The following ANKRD30A variants were observed in gnomAD, a reference collection of about 807,000 sequenced individuals.
The protein encoded by ANKRD30A is ankyrin repeat domain 30A, also known as ankyrin repeat domain-containing protein 30A.
A neutral mutation model predicts 166.3 loss-of-function variants in ANKRD30A; 170 were observed. The ratio of observed to expected loss-of-function variants is 1.02; its 90% confidence interval spans 0.90 to 1.16. ANKRD30A has a LOEUF of 1.16. ANKRD30A is among the 50% of genes most tolerant of loss of function. The pLI is 0.00. For synonymous variants in ANKRD30A, 564 were observed against 508.9 expected (o/e 1.11, Z -1.46); for missense variants, 1,630 against 1,518.0 (o/e 1.07, Z -1.23).
intron 15 of ANKRD30A, among the ~76,000 whole-genome samples, chr10:37,161,757 T>C (rs1429138499): frequency 6.6e-6 from 1 of 152,136 alleles, no homozygotes; most frequent in Non-Finnish European, 1.5e-5. Flanking sequence ...ATGACACATA[T>C]TGAAAACTAA....
the ANKRD30A span, among the ~76,000 whole-genome samples, chr10:37,264,013 G>A: frequency 5.3e-5 from 8 of 151,966 alleles, no homozygotes; most frequent in South Asian, 2.1e-4. Context: ...GGACAAAGGA[G>A]GAAAAATGAA....
the ANKRD30A span, among the ~76,000 whole-genome samples, chr10:37,250,145 G>A: frequency 6.6e-6 from 1 of 152,168 alleles, no homozygotes; most frequent in Non-Finnish European, 1.5e-5. Context: ...TAAGGTCAGA[G>A]TTGATGGTCA....
the ANKRD30A span, among the ~76,000 whole-genome samples, chr10:37,245,160 GT>G: frequency 3.3e-5 from 5 of 152,050 alleles, no homozygotes; most frequent in Admixed American, 3.3e-4. Context: ...ATCTTGCCTA[GT>G]TTAACATCTA....
At chr10:37,165,178 T>C in intron 18 of ANKRD30A, 23 bp downstream of exon 18, 1 of 1,583,776 alleles carries the variant, frequency 6.3e-7, no homozygotes, top group Non-Finnish European at 8.7e-7. Flanking sequence ...GTTGATTTTT[T>C]TAAATATTAG....
At chr10:37,234,821 G>A (rs1346934177), downstream of ANKRD30A, among the ~76,000 whole-genome samples, 8 of 152,082 alleles carry the variant, frequency 5.3e-5, no homozygotes, top group Admixed American at 1.3e-4. Context: ...AGCTAAAACC[G>A]TATTCCTAAG....
At position 37,212,079 on chromosome 10, in the gene ANKRD30A, G is replaced by C. The variant is rs182445084; in HGVS notation, c.2870-4102G>C. Among the ~76,000 whole-genome samples the C allele has an allele frequency of 5.3e-5, 8 of 152,098 alleles. No homozygotes were observed. The South Asian group carries it at 1.5e-3, about 28-fold the overall frequency. The stretch of plus-strand genomic sequence containing the variant: ...AATTAGGGAAAGAGGAAGTTGAATT[G>C]TCCCTTTTTACAGACGACATGATTG... On this transcript the variant is annotated intron_variant, in intron 31 of 35. Coordinates refer to ENST00000361713, the MANE Select transcript of ANKRD30A (RefSeq NM_052997.3).
chr10:37,239,834 G>A, the ANKRD30A span, among the ~76,000 whole-genome samples: 73 of 151,984 alleles, frequency 4.8e-4, no homozygotes, highest in Admixed American at 5.9e-4. Context: ...GTTAGGTATA[G>A]TCTCTGAAAG....
At chr10:37,223,707 C>T (rs1229019752) in intron 34 of ANKRD30A, among the ~76,000 whole-genome samples, 1 of 151,104 alleles carries the variant, frequency 6.6e-6, no homozygotes, top group African/African-American at 2.4e-5. Flanking sequence ...AGTGTATAAA[C>T]TGCATGTTAT....
Position 37,199,753 on chromosome 10 carries a change from CAAAA to C in ANKRD30A, c.2744_2747del (p.Gln915ArgfsTer36), listed in dbSNP as rs1028018477. 6.3e-7 allele frequency: 1 copy of C among 1,580,188 alleles called. No homozygotes were observed. The highest frequency in any genetic ancestry group is 8.6e-7 in the Non-Finnish European group (1 of 1,156,772). On this transcript the variant is annotated frameshift_variant, in exon 30 of 36. Transcript: ENST00000361713. LOFTEE classifies it high-confidence loss of function. ...TCAGATGTTCCCTTCAGAATCAAAA[CAAAA>C]GAAGGTTGAAGAAAATTCTTGGGAT...
At chr10:37,130,419 C>T in intron 3 of ANKRD30A, 41 bp downstream of exon 3, 11 of 1,391,972 alleles carry the variant, frequency 7.9e-6, no homozygotes, top group Non-Finnish European at 9.4e-6. Flanking sequence ...ATTTGAAATC[C>T]ATTTGTTTTA....
At chr10:37,199,054 C>G (rs958108044) in intron 29 of ANKRD30A, among the ~76,000 whole-genome samples, 6 of 152,008 alleles carry the variant, frequency 3.9e-5, no homozygotes, top group African/African-American at 1.4e-4. Context: ...TCATGTTTCT[C>G]CAAGGTGTCA....
At chr10:37,255,112 A>T in the ANKRD30A span, among the ~76,000 whole-genome samples, 1 of 152,214 alleles carries the variant, frequency 6.6e-6, no homozygotes, top group Non-Finnish European at 1.5e-5. Flanking sequence ...ACCCAAGGCC[A>T]TAAAGGTTTA....
intron 9 of ANKRD30A, among the ~76,000 whole-genome samples, chr10:37,148,533 G>A (rs1588789878): frequency 6.6e-6 from 1 of 151,854 alleles, no homozygotes; most frequent in East Asian, 1.9e-4. Flanking sequence ...CAAGAGAGAA[G>A]GTAGGTAGGT....
chr10:37,136,813 ATG>A (rs1554807834), intron 6 of ANKRD30A, 142 bp downstream of exon 6: 570 of 271,036 alleles, frequency 2.1e-3, no homozygotes, highest in East Asian at 5.4e-3. Context: ...GGGTGTGTGT[ATG>A]TGTGTGTGTG....
chr10:37,219,926 C>A (rs1398025247), intron 34 of ANKRD30A, 29 bp downstream of exon 34: 1 of 1,404,916 alleles, frequency 7.1e-7, no homozygotes, highest in South Asian at 1.6e-5. Flanking sequence ...AAATACTTGT[C>A]AAACTTCCTG....
intron 15 of ANKRD30A, among the ~76,000 whole-genome samples, chr10:37,162,367 G>T (rs1475422067): frequency 6.6e-6 from 1 of 152,102 alleles, no homozygotes; most frequent in Admixed American, 6.6e-5. Context: ...TCCATGTTCA[G>T]CTTTGACATT....
rs201764363 is a variant in ANKRD30A, at chr10:37,219,886, G to A, written c.4174G>A (p.Ala1392Thr). 18 of 1,502,186 alleles carry A rather than the reference G, an allele frequency of 1.2e-5. No individual in the cohort carries two copies. In the Middle Eastern group the frequency reaches 5.4e-4, roughly 45 times the overall value. The allele number at this position is 1,502,186 out of a possible 1,614,324, so 93.1% of individuals were successfully genotyped here. A position where few individuals can be genotyped will look rare whatever the true frequency, so the allele number is the denominator to read the frequency against. Residue 1392 changes from alanine to threonine, a missense_variant, in exon 34 of 36, where the codon GCA (alanine) becomes ACA (threonine). By Grantham distance (58) the Ala-to-Thr change is moderately conservative. Around this residue, in one of 4 missense-constraint regions of ANKRD30A, gnomAD observed 712 missense variants for 629.3 expected, o/e 1.13. Transcript: ENST00000361713. ...NRIYQYEKEK[A>T]ETENS ...TATATATCAATATGAAAAAGAGAAA[G>A]CAGAAACAGAAGTAAGTATCAAAAA...
Position 37,197,303 on chromosome 10 carries a change from C to G in ANKRD30A, c.2637C>G (p.Ala879=), listed in dbSNP as rs375482472. 6.3e-5 allele frequency: 102 copies of G among 1,613,104 alleles called. No homozygotes were observed. In the Middle Eastern group the frequency reaches 8.7e-4, roughly 14 times the overall value. Residue 879 remains alanine (A), a synonymous_variant, in exon 28 of 36, where the codon GCC becomes GCG. Coordinates refer to ENST00000361713, the MANE Select transcript of ANKRD30A (RefSeq NM_052997.3). ...TAGAGCCTCCCGAGAAGCCATCTGC[C>G]TTCGAGGTATTTAGTTTTATGATTT... ...FKAEPPEKPS[A]FEPAIEMQKS...
Position 37,125,769 on chromosome 10 carries a change from C to G in ANKRD30A, c.-19C>G, listed in dbSNP as rs1264203045. 4.8e-6 allele frequency: 3 copies of G among 625,078 alleles called. No individual in the cohort carries two copies. The highest frequency in any genetic ancestry group is 8.6e-6 in the Non-Finnish European group (3 of 349,190). 38.7% of individuals were successfully genotyped at this position (625,078 alleles called of 1,614,324 possible). A position where few individuals can be genotyped will look rare whatever the true frequency, so the allele number is the denominator to read the frequency against. On this transcript the variant is annotated 5_prime_UTR_variant, in exon 1 of 36. Transcript: ENST00000361713. Reference sequence around the variant, plus strand: ...GGCGATCGGGAGGCGCGGGCACTCTCTAGCAGGTGGCCGCAGCCATGGAGG... The same window carrying G: ...GGCGATCGGGAGGCGCGGGCACTCTGTAGCAGGTGGCCGCAGCCATGGAGG...
Sources: gnomAD v4.1 joint callset for allele counts (sites outside exome capture counted in the v4.1 genomes callset) on GRCh38, gnomAD v4.1.1 for gene constraint, gnomAD v4.1.1 regional missense constraint, MANE v1.5 for transcripts, NCBI Gene and HGNC (gene_info 2026-07-23, HGNC 2026-07-21) for gene names.